KIRREL3: variants seen among roughly 807,000 people sequenced by gnomAD.
KIRREL3 encodes kin of IRRE-like protein 3.
In KIRREL3, 36 loss-of-function variants were observed where a neutral mutation model predicts 89.7. That is an observed-to-expected ratio of 0.40 (90% CI 0.31 to 0.53). The LOEUF is 0.53. KIRREL3 is among the 20% of genes least tolerant of loss of function. The pLI is 0.49. For missense variants in KIRREL3, 864 were observed against 1,056.6 expected (o/e 0.82, Z 2.53); for synonymous variants, 445 against 441.4 (o/e 1.01, Z -0.10).
rs749574610 is a variant in KIRREL3, at chr11:126,424,991, G to A, written c.1926C>T (p.Thr642=). The A allele has an allele frequency of 1.9e-5, 30 of 1,561,212 alleles. No individual in the cohort carries two copies. In the East Asian group the frequency reaches 5.9e-4, roughly 31 times the overall value. Residue 642 remains threonine, a synonymous_variant, in exon 17 of 17, where the codon ACC becomes ACT. Transcript: ENST00000525144. ...DPTNGYYSVN[T]FKEHHSTPTI... is the part of the protein sequence containing the mutation. ...TCGGGGTTGAGTGGTGCTCTTTGAA[G>A]GTGTTGACGCTGTAGTAGCCATTGG... is the stretch of plus-strand genomic sequence containing the variant.
chr11:126,931,303 T>A lies in KIRREL3; in HGVS notation c.55+69152A>T, dbSNP rs948784116. Among the ~76,000 whole-genome samples the A allele has an allele frequency of 1.3e-5, 2 of 152,206 alleles. No homozygotes were observed. Among genetic ancestry groups the A allele is most frequent in the African/African-American group, 2.4e-5 (1 of 41,446 alleles). Reference sequence around the variant, plus strand: ...CTGAAATCAAGATTGAATGAATGAATGAATGGATAGACTGGAATCTATTAC... The same window carrying A: ...CTGAAATCAAGATTGAATGAATGAAAGAATGGATAGACTGGAATCTATTAC... On this transcript the variant is annotated intron_variant, in intron 1 of 16. Transcript: ENST00000525144. This position sits in a 1 kb window ranked among gnomAD's most constrained non-coding sequence, Gnocchi z 5.1.
rs1565488577 is a variant in KIRREL3 at position 126,997,403 on chromosome 11, C to T, written c.55+3052G>A. ...GCCCACAAGCAGTACACACTGGCAG[C>T]TCTCCATTCCCTTGTTGGGAGCCAG... is the stretch of plus-strand genomic sequence containing the variant. On this transcript the variant is annotated intron_variant, in intron 1 of 16. Transcript: ENST00000525144. This position sits in a 1 kb window ranked among gnomAD's most constrained non-coding sequence, Gnocchi z 4.3. Among the ~76,000 whole-genome samples, 2 of 152,134 alleles carry T rather than the reference C, an allele frequency of 1.3e-5. No individual in the cohort carries two copies. The highest frequency in any genetic ancestry group is 4.8e-5 in the African/African-American group (2 of 41,424).
At chr11:126,803,099 G>A (rs1330891470) in intron 1 of KIRREL3, among the ~76,000 whole-genome samples, 1 of 152,182 alleles carries the variant, frequency 6.6e-6, no homozygotes, top group Admixed American at 6.5e-5. Flanking sequence ...GAGACTGAGG[G>A]GGCACACCTG....
At chr11:126,818,806 G>A (rs1349682585) in intron 1 of KIRREL3, among the ~76,000 whole-genome samples, 7 of 37,574 alleles carry the variant, frequency 1.9e-4, no homozygotes, top group Non-Finnish European at 2.2e-4. Context: ...TTGATTTCAG[G>A]TCAGCCTCTA....
rs1948522732 is a variant in KIRREL3 at position 126,729,429 on chromosome 11, T to C, written c.56-166517A>G. Among the ~76,000 whole-genome samples the C allele has an allele frequency of 6.6e-6, 1 of 152,080 alleles. No individual in the cohort carries two copies. The highest frequency in any genetic ancestry group is 2.1e-4 in the South Asian group (1 of 4,822). On this transcript the variant is annotated intron_variant, in intron 1 of 16. Transcript: ENST00000525144. The surrounding 1 kb of genome is among the most constrained non-coding windows in gnomAD (Gnocchi z 4.5). ...GACATATTGCAGGAGAGACAGGAAA[T>C]TGAAATTGGCGCCATTCTTCTAGAT...
intron 1 of KIRREL3, among the ~76,000 whole-genome samples, chr11:126,681,057 A>G (rs759584902): frequency 3.0e-4 from 45 of 152,224 alleles, no homozygotes; most frequent in Non-Finnish European, 8.8e-5. Context: ...AACCTCCGTC[A>G]TGATGTATGA....
At chr11:126,678,341 C>T (rs1048888126) in intron 1 of KIRREL3, among the ~76,000 whole-genome samples, 6 of 152,106 alleles carry the variant, frequency 3.9e-5, no homozygotes, top group Non-Finnish European at 8.8e-5. Context: ...TGGCTCACGC[C>T]TGTAATCTCA....
At position 126,995,062 on chromosome 11, in the gene KIRREL3, A is replaced by G. The variant is rs1370706931; in HGVS notation, c.55+5393T>C. 2.6e-6 allele frequency: 1 copy of G among 379,722 alleles called. No homozygotes were observed. The highest frequency in any genetic ancestry group is 7.3e-5 in the East Asian group (1 of 13,756). The allele number at this position is 379,722 out of a possible 1,614,324, so 23.5% of individuals were successfully genotyped here. A position where few individuals can be genotyped will look rare whatever the true frequency, so the allele number is the denominator to read the frequency against. The stretch of plus-strand genomic sequence containing the variant: ...TCCTCTAACTGGAAATAAAAATCCC[A>G]CTCTACTTGGAATACAGGATGAAGC... On this transcript the variant is annotated intron_variant, in intron 1 of 16. Transcript: ENST00000525144. This position sits in a 1 kb window ranked among gnomAD's most constrained non-coding sequence, Gnocchi z 6.5.
At position 126,989,582 on chromosome 11, in the gene KIRREL3, C is replaced by T. The variant is rs1382054948; in HGVS notation, c.55+10873G>A. On this transcript the variant is annotated intron_variant, in intron 1 of 16. Transcript: ENST00000525144. This position sits in a 1 kb window ranked among gnomAD's most constrained non-coding sequence, Gnocchi z 6.2. ...GCTGCACCTTTCCTTCATTCTATTC[C>T]CGCTATCTTAGTTCACGCTGCCTGT... Among the ~76,000 whole-genome samples the T allele has an allele frequency of 2.0e-5, 3 of 152,176 alleles. No individual in the cohort carries two copies. Among genetic ancestry groups the T allele is most frequent in the African/African-American group, 7.2e-5 (3 of 41,436 alleles).
rs12807642 is a variant in KIRREL3 at position 126,605,513 on chromosome 11, G to T, written c.56-42601C>A. Among the ~76,000 whole-genome samples the T allele has an allele frequency of 0.43, 65,193 of 152,064 alleles. 16,480 individuals carry two copies. Among genetic ancestry groups the T allele is most frequent in the Non-Finnish European group, 0.57 (38,694 of 67,952 alleles). On this transcript the variant is annotated intron_variant, in intron 1 of 16. Transcript: ENST00000525144. This position sits in a 1 kb window ranked among gnomAD's most constrained non-coding sequence, Gnocchi z 5.7. ...GGATGAGACTCAGGATGCCAGGAGGGAGGCACAGCCCACACTTAGCAGCTT... is the reference window on the plus strand; with the variant it reads ...GGATGAGACTCAGGATGCCAGGAGGTAGGCACAGCCCACACTTAGCAGCTT...
At position 126,528,080 on chromosome 11, in the gene KIRREL3, C is replaced by A. The variant is rs367999823; in HGVS notation, c.134-1393G>T. Reference sequence around the variant, plus strand: ...AGGCACAGTAACCTGCCCAAGGTCACGCAGCTAATGAGTGTTAGAGCAGGG... The same window carrying A: ...AGGCACAGTAACCTGCCCAAGGTCAAGCAGCTAATGAGTGTTAGAGCAGGG... On this transcript the variant is annotated intron_variant, in intron 2 of 16. Coordinates refer to ENST00000525144, the MANE Select transcript of KIRREL3 (RefSeq NM_032531.4). The surrounding 1 kb of genome is among the most constrained non-coding windows in gnomAD (Gnocchi z 4.6). 2.0e-5 allele frequency among the ~76,000 whole-genome samples: 3 copies of A among 152,220 alleles called. No homozygotes were observed. Among genetic ancestry groups the A allele is most frequent in the Non-Finnish European group, 2.9e-5 (2 of 68,038 alleles).
At chr11:126,973,794 C>T (rs978559617) in intron 1 of KIRREL3, among the ~76,000 whole-genome samples, 1 of 152,134 alleles carries the variant, frequency 6.6e-6, no homozygotes, top group Non-Finnish European at 1.5e-5. Context: ...AGGAGGGACT[C>T]AATAAATGTT....
At chr11:126,738,285 C>T (rs1171040199) in intron 1 of KIRREL3, among the ~76,000 whole-genome samples, 2 of 152,174 alleles carry the variant, frequency 1.3e-5, no homozygotes, top group African/African-American at 4.8e-5. Context: ...GTTGCCCCCT[C>T]CACCCCTGTC....
intron 1 of KIRREL3, among the ~76,000 whole-genome samples, chr11:126,631,521 C>T (rs1159283054): frequency 6.6e-6 from 1 of 152,128 alleles, no homozygotes; most frequent in Admixed American, 6.6e-5. Flanking sequence ...CAGGTGGGCC[C>T]CTGTGTGTTG....
chr11:126,746,270 A>T (rs1949146199), intron 1 of KIRREL3, among the ~76,000 whole-genome samples: 1 of 152,204 alleles, frequency 6.6e-6, no homozygotes, highest in Non-Finnish European at 1.5e-5. Context: ...GCCTTTAATC[A>T]GCGTGTGGTT....
rs552538206 is a variant in KIRREL3 at position 126,987,219 on chromosome 11, A to G, written c.55+13236T>C. Reference sequence around the variant, plus strand: ...TCTACACCTAGAATTAAGGGGATACACTGACCCACAAAGATTCCTTTTCCA... The same window carrying G: ...TCTACACCTAGAATTAAGGGGATACGCTGACCCACAAAGATTCCTTTTCCA... On this transcript the variant is annotated intron_variant, in intron 1 of 16. Transcript: ENST00000525144. The surrounding 1 kb of genome is among the most constrained non-coding windows in gnomAD (Gnocchi z 4.6). Among the ~76,000 whole-genome samples, 14 of 152,342 alleles carry G rather than the reference A, an allele frequency of 9.2e-5. No individual in the cohort carries two copies. Among genetic ancestry groups the G allele is most frequent in the African/African-American group, 3.4e-4 (14 of 41,578 alleles).
chr11:126,914,057 C>T (rs1158934318), intron 1 of KIRREL3, among the ~76,000 whole-genome samples: 1 of 152,190 alleles, frequency 6.6e-6, no homozygotes, highest in Non-Finnish European at 1.5e-5. Context: ...TTTCTTTGGC[C>T]AATGGAATAT....
At chr11:126,853,732 A>C (rs1052514019) in intron 1 of KIRREL3, among the ~76,000 whole-genome samples, 3 of 151,870 alleles carry the variant, frequency 2.0e-5, no homozygotes, top group Non-Finnish European at 1.5e-5. Context: ...TAAGTTTCAC[A>C]TAAACTTAAA....
rs141142499 is a variant in KIRREL3 at position 126,730,975 on chromosome 11, G to A, written c.56-168063C>T. ...AGGATGGTCTCCATCTCCTGACCTC[G>A]TGATCCACCCGTCTCGGCCTCCCAA... On this transcript the variant is annotated intron_variant, in intron 1 of 16. Transcript: ENST00000525144. 7.4e-3 allele frequency among the ~76,000 whole-genome samples: 1,125 copies of A among 152,122 alleles called. 15 individuals are homozygous for A. Among genetic ancestry groups the A allele is most frequent in the African/African-American group, 0.026 (1,069 of 41,484 alleles).
Sources: allele counts gnomAD v4.1 joint callset (sites outside exome capture counted in the v4.1 genomes callset), GRCh38; gene constraint gnomAD v4.1.1; non-coding constraint Gnocchi (gnomAD v3.1); transcripts MANE v1.5; gene names NCBI Gene and HGNC (gene_info 2026-07-23, HGNC 2026-07-21).